The following GPC6 variants were observed in gnomAD, a reference collection of about 807,000 sequenced individuals.
GPC6 encodes the protein glypican-6.
Under a neutral mutation model 55.2 loss-of-function variants are expected in GPC6, and 14 were observed. The ratio of observed to expected loss-of-function variants is 0.25; its 90% CI spans 0.17 to 0.40. The LOEUF (loss-of-function observed/expected upper bound fraction) is 0.40, where lower values mean the gene tolerates loss of function less well. Among genes scored for constraint, GPC6 ranks in the 10% least tolerant of loss-of-function variants. The pLI, the probability that GPC6 is intolerant of heterozygous loss-of-function variation, is 1.00. For synonymous variants in GPC6, 278 were observed against 259.6 expected (o/e 1.07, Z -0.68); for missense variants, 641 against 708.5 (o/e 0.90, Z 1.08).
rs9584125 is a variant in GPC6, at chr13:93,544,079, T to G, written c.161-1184T>G. Among the ~76,000 whole-genome samples, 403 of 152,216 alleles carry G rather than the reference T, an allele frequency of 2.6e-3. 1 individual carries two copies. The highest frequency in any genetic ancestry group is 8.6e-3 in the African/African-American group (357 of 41,544). On this transcript the variant is annotated intron_variant, in intron 1 of 8. Transcript: ENST00000377047. ...GATTAGTCACGGTGAGCCTTTTTTTTTTGTTGTAATTGTTGGACATTTGAG... is the reference window on the plus strand; with the variant it reads ...GATTAGTCACGGTGAGCCTTTTTTTGTTGTTGTAATTGTTGGACATTTGAG...
chr13:94,303,262 T>C lies in GPC6; in HGVS notation c.1009-2718T>C, dbSNP rs564251509. Among the ~76,000 whole-genome samples, 468 of 152,302 alleles carry C rather than the reference T, an allele frequency of 3.1e-3. 2 individuals are homozygous for C. The highest frequency in any genetic ancestry group is 4.8e-3 in the Non-Finnish European group (327 of 68,016). ...GGGTTTATATCCCGATCATTGTCCC[T>C]CCCCCTGTGCTCTTAGGCGATAGAT... is the stretch of plus-strand genomic sequence containing the variant. On this transcript the variant is annotated intron_variant, in intron 5 of 8. Transcript: ENST00000377047.
At chr13:93,618,175 T>A (rs1004014546) in intron 2 of GPC6, among the ~76,000 whole-genome samples, 5 of 152,092 alleles carry the variant, frequency 3.3e-5, no homozygotes, top group African/African-American at 1.2e-4. Flanking sequence ...TCTTCACCAA[T>A]ATTTATTAAG....
chr13:93,782,400 G>A (rs746845651), intron 2 of GPC6, among the ~76,000 whole-genome samples: 9 of 152,118 alleles, frequency 5.9e-5, no homozygotes, highest in African/African-American at 2.4e-5. Context: ...CATGGGTTGT[G>A]CGTACATCTC....
chr13:93,618,420 T>A (rs995412778), intron 2 of GPC6, among the ~76,000 whole-genome samples: 12 of 152,108 alleles, frequency 7.9e-5, no homozygotes, highest in Non-Finnish European at 1.6e-4. Flanking sequence ...GAGCCTCACA[T>A]ACTCATCTCA....
chr13:93,395,985 A>C (rs1208256880), intron 1 of GPC6: 1 of 152,194 alleles, frequency 6.6e-6, no homozygotes. Flanking sequence ...TAAATGCCTT[A>C]GGGAACTTGT....
rs552815139 is a variant in GPC6 at position 94,006,835 on chromosome 13, T to C, written c.712-20894T>C. ...TAAAGGAGATTAAATATATTAAAGT[T>C]TTTCAAGAACTGCAAAGTACTGTAT... On this transcript the variant is annotated intron_variant, in intron 3 of 8. Transcript: ENST00000377047. Among the ~76,000 whole-genome samples, 7 of 152,290 alleles carry C rather than the reference T, an allele frequency of 4.6e-5. No homozygotes were observed. In the East Asian group the frequency reaches 1.4e-3, roughly 29 times the overall value.
intron 2 of GPC6, among the ~76,000 whole-genome samples, chr13:93,665,814 G>A (rs746148006): frequency 6.6e-6 from 1 of 152,120 alleles, no homozygotes; most frequent in African/African-American, 2.4e-5. Context: ...AAACAAAAGA[G>A]TGAAGTTAAC....
At chr13:93,759,397 A>G (rs1372918036) in intron 2 of GPC6, among the ~76,000 whole-genome samples, 1 of 152,164 alleles carries the variant, frequency 6.6e-6, no homozygotes, top group Non-Finnish European at 1.5e-5. Context: ...AGGATACATT[A>G]TTTTACCTTT....
intron 3 of GPC6, among the ~76,000 whole-genome samples, chr13:93,851,102 T>G (rs1397568507): frequency 1.3e-5 from 2 of 151,956 alleles, no homozygotes; most frequent in Admixed American, 6.6e-5. Flanking sequence ...CACAGCTTAC[T>G]TTTATAATAA....
chr13:93,365,704 C>A lies in GPC6; in HGVS notation c.160+138088C>A, dbSNP rs543809967. ...TTTTAGGGGAACAATTATTGTGATT[C>A]TGGCAGTGGGAAAGTGATCTCTGAA... On this transcript the variant is annotated intron_variant, in intron 1 of 8. Transcript: ENST00000377047. 8.5e-5 allele frequency among the ~76,000 whole-genome samples: 13 copies of A among 152,106 alleles called. No homozygotes were observed. In the South Asian group the frequency reaches 2.7e-3, roughly 32 times the overall value.
intron 3 of GPC6, among the ~76,000 whole-genome samples, chr13:93,846,746 G>C (rs1309999870): frequency 2.0e-5 from 3 of 152,100 alleles, no homozygotes; most frequent in East Asian, 3.9e-4. Context: ...CCGGGGAGAC[G>C]GAGGTTGCAG....
At chr13:93,305,313 G>A (rs1226596704) in intron 1 of GPC6, among the ~76,000 whole-genome samples, 1 of 151,292 alleles carries the variant, frequency 6.6e-6, no homozygotes, top group African/African-American at 2.4e-5. Context: ...ATTATGATGA[G>A]CAGCCTGCTT....
intron 4 of GPC6, among the ~76,000 whole-genome samples, chr13:94,060,450 A>T (rs1303931031): frequency 6.6e-6 from 1 of 152,168 alleles, no homozygotes; most frequent in Non-Finnish European, 1.5e-5. Context: ...AATTAAAGAG[A>T]ATTCCTAAAT....
At chr13:94,328,239 G>T (rs1054029893) in intron 6 of GPC6, among the ~76,000 whole-genome samples, 2 of 152,304 alleles carry the variant, frequency 1.3e-5, no homozygotes, top group East Asian at 1.9e-4. Context: ...TAACAAGTTC[G>T]CCTGTGATCC....
intron 5 of GPC6, among the ~76,000 whole-genome samples, chr13:94,298,019 T>TA (rs1185706021): frequency 6.6e-6 from 1 of 152,070 alleles, no homozygotes; most frequent in East Asian, 1.9e-4. Context: ...AGGCAACCCG[T>TA]AAAAAATTAC....
intron 3 of GPC6, among the ~76,000 whole-genome samples, chr13:93,931,320 G>C (rs946240122): frequency 1.3e-5 from 2 of 151,686 alleles, no homozygotes; most frequent in Non-Finnish European, 2.9e-5. Context: ...AAGGGGTGGA[G>C]GTACCATTCA....
intron 3 of GPC6, among the ~76,000 whole-genome samples, chr13:93,864,119 A>T (rs1888892880): frequency 6.6e-6 from 1 of 151,636 alleles, no homozygotes; most frequent in Non-Finnish European, 1.5e-5. Flanking sequence ...CCTAATTTCA[A>T]ATTAGCTACA....
chr13:94,293,645 T>G (rs1395240548), intron 5 of GPC6, among the ~76,000 whole-genome samples: 2 of 152,198 alleles, frequency 1.3e-5, no homozygotes, highest in African/African-American at 2.4e-5. Flanking sequence ...CCTTATGTAT[T>G]TATTTCAAAT....
chr13:93,573,938 G>A (rs1022206339), intron 2 of GPC6, among the ~76,000 whole-genome samples: 2 of 152,126 alleles, frequency 1.3e-5, no homozygotes, highest in African/African-American at 4.8e-5. Flanking sequence ...CCTCTAACAG[G>A]ATTGAGTTGA....
Sources: gnomAD v4.1 joint callset for allele counts (sites outside exome capture counted in the v4.1 genomes callset) on GRCh38, gnomAD v4.1.1 for gene constraint, MANE v1.5 for transcripts, NCBI Gene and HGNC (gene_info 2026-07-23, HGNC 2026-07-21) for gene names.